Variants in MARK3 observed in about 807,000 individuals in gnomAD.
The protein encoded by MARK3 is MAP/microtubule affinity-regulating kinase 3.
A neutral mutation model predicts 90.1 loss-of-function variants in MARK3; 46 were observed. The observed-to-expected ratio is 0.51, with a 90% CI of 0.40 to 0.65. The LOEUF is 0.65. MARK3 is among the 30% of genes least tolerant of loss of function. The pLI is 0.00. For synonymous variants in MARK3, 321 were observed against 332.6 expected (o/e 0.97, Z 0.38); for missense variants, 818 against 947.2 (o/e 0.86, Z 1.79).
At chr14:103,390,454 G>C (rs566091675) in intron 1 of MARK3, among the ~76,000 whole-genome samples, 79 of 58,858 alleles carry the variant, frequency 1.3e-3, no homozygotes, top group African/African-American at 5.0e-3. Flanking sequence ...TGTACATAGA[G>C]TATTTCTAAA....
At position 103,401,494 on chromosome 14, in the gene MARK3, C is replaced by A. The variant is rs961754384; in HGVS notation, c.52-3582C>A. 3.9e-5 allele frequency among the ~76,000 whole-genome samples: 6 copies of A among 152,238 alleles called. No individual in the cohort carries two copies. In the South Asian group the frequency reaches 1.2e-3, roughly 32 times the overall value. On this transcript the variant is annotated intron_variant, in intron 1 of 17. Coordinates refer to ENST00000429436, the MANE Select transcript of MARK3 (RefSeq NM_001128918.3). ...AGTCTGCTTGAGGGCTCATTGGCTC[C>A]GTGGAAACTGATCTCCATGTCCAGG...
intron 16 of MARK3, 174 bp from the exon 17 acceptor site, chr14:103,499,982 C>G: frequency 1.6e-6 from 1 of 634,390 alleles, no homozygotes; most frequent in Non-Finnish European, 2.9e-6. Flanking sequence ...AAGAAGGTAG[C>G]GCTGGCTCAG....
intron 12 of MARK3, among the ~76,000 whole-genome samples, 166 bp from the exon 13 acceptor site, chr14:103,474,827 A>G (rs1168729111): frequency 6.6e-6 from 1 of 152,224 alleles, no homozygotes; most frequent in East Asian, 1.9e-4. Context: ...AATTCATTGC[A>G]TAAGGCAAAC....
intron 1 of MARK3, among the ~76,000 whole-genome samples, chr14:103,398,083 A>T (rs1447814044): frequency 6.6e-6 from 1 of 152,212 alleles, no homozygotes; most frequent in Non-Finnish European, 1.5e-5. Flanking sequence ...AGTGAGATGT[A>T]TGCATCTACC....
chr14:103,412,480 C>A, intron 2 of MARK3: 1 of 515,072 alleles, frequency 1.9e-6, no homozygotes. Flanking sequence ...TGACCAGATT[C>A]TTATTCTTGA....
At position 103,431,459 on chromosome 14, in the gene MARK3, C is replaced by A. The variant is rs539194574; in HGVS notation, c.297+3019C>A. ...CAGCCTGGTCAACATGGTGAAACCG[C>A]GTCTCTACTAAAAATACAAAAATTA... On this transcript the variant is annotated intron_variant, in intron 3 of 17. Coordinates refer to ENST00000429436, the MANE Select transcript of MARK3 (RefSeq NM_001128918.3). 3.2e-3 allele frequency among the ~76,000 whole-genome samples: 488 copies of A among 152,096 alleles called. 3 individuals are homozygous for A. The highest frequency in any genetic ancestry group is 0.011 in the African/African-American group (465 of 41,504).
At chr14:103,419,216 G>A (rs1488959705) in intron 2 of MARK3, among the ~76,000 whole-genome samples, 7 of 152,106 alleles carry the variant, frequency 4.6e-5, no homozygotes, top group East Asian at 3.8e-4. Flanking sequence ...GCGTGAACCC[G>A]GGAGGTGGAG....
chr14:103,422,007 T>C (rs921052535), intron 2 of MARK3, among the ~76,000 whole-genome samples: 5 of 152,248 alleles, frequency 3.3e-5, no homozygotes, highest in African/African-American at 1.2e-4. Flanking sequence ...ATGGCCACTT[T>C]TAATCTTTTA....
Position 103,462,413 on chromosome 14 carries a change from T to C in MARK3, c.492T>C (p.Ser164=). 6.2e-7 allele frequency: 1 copy of C among 1,602,356 alleles called. No homozygotes were observed. Among genetic ancestry groups the C allele is most frequent in the African/African-American group, 1.3e-5 (1 of 74,890 alleles). ...GCGTCTCTCCTATTCAGATTGTGTC[T>C]GCAGTTCAATACTGCCATCAGAAAC... is the stretch of plus-strand genomic sequence containing the variant. ...EARSKFRQIV[S]AVQYCHQKRI... is the part of the protein sequence containing the mutation. Residue 164 remains serine, a synonymous_variant, in exon 7 of 18, where the codon TCT becomes TCC. Coordinates refer to ENST00000429436, the MANE Select transcript of MARK3 (RefSeq NM_001128918.3).
rs1338468578 is a variant in MARK3 at position 103,385,901 on chromosome 14, G to C, written c.-129G>C. On this transcript the variant is annotated 5_prime_UTR_variant, in exon 1 of 18. Transcript: ENST00000429436. ...CCCGGGATCTAGACGGCCGTAGGGG[G>C]AAGGGAGCCGCCCTCCCCACGGCGC... 3 of 731,492 alleles carry C rather than the reference G, an allele frequency of 4.1e-6. No homozygotes were observed. The African/African-American group carries it at 5.2e-5, about 13-fold the overall frequency. 45.3% of individuals were successfully genotyped at this position (731,492 alleles called of 1,614,324 possible). A position where few individuals can be genotyped will look rare whatever the true frequency, so the allele number is the denominator to read the frequency against.
chr14:103,489,091 G>A (rs1321454837), intron 14 of MARK3, among the ~76,000 whole-genome samples: 1 of 152,220 alleles, frequency 6.6e-6, no homozygotes, highest in East Asian at 1.9e-4. Context: ...ATACAATGTG[G>A]CATGCATGAG....
intron 2 of MARK3, among the ~76,000 whole-genome samples, chr14:103,425,744 C>T (rs757892189): frequency 1.2e-4 from 18 of 152,184 alleles, no homozygotes; most frequent in Non-Finnish European, 2.4e-4. Flanking sequence ...AGAATTCCAA[C>T]TTTGCGTTTT....
chr14:103,497,510 TCTC>T (rs1169901277), intron 15 of MARK3, among the ~76,000 whole-genome samples: 1 of 152,202 alleles, frequency 6.6e-6, no homozygotes, highest in Non-Finnish European at 1.5e-5. Context: ...AACCTGCACA[TCTC>T]CTTAAATTTT....
chr14:103,400,858 T>G (rs1315807554), intron 1 of MARK3, among the ~76,000 whole-genome samples: 1 of 135,282 alleles, frequency 7.4e-6, no homozygotes, highest in Non-Finnish European at 1.5e-5. Flanking sequence ...TCGATCACAC[T>G]ACTGTACTCC....
At chr14:103,502,495 T>A (rs2075726564) in intron 17 of MARK3, among the ~76,000 whole-genome samples, 1 of 151,966 alleles carries the variant, frequency 6.6e-6, no homozygotes, top group Admixed American at 6.6e-5. Flanking sequence ...CAGCCCAGGG[T>A]GGATGGGTGG....
intron 3 of MARK3, among the ~76,000 whole-genome samples, chr14:103,446,687 G>A (rs2093003322): frequency 6.7e-6 from 1 of 148,418 alleles, no homozygotes; most frequent in Non-Finnish European, 1.5e-5. Flanking sequence ...TATTGATATG[G>A]CATCCAAAGT....
intron 14 of MARK3, among the ~76,000 whole-genome samples, chr14:103,482,312 G>A (rs890162062): frequency 1.3e-5 from 2 of 151,638 alleles, no homozygotes; most frequent in African/African-American, 4.8e-5. Flanking sequence ...CTTGAGGTCA[G>A]GAGTTCGTGA....
intron 14 of MARK3, among the ~76,000 whole-genome samples, chr14:103,481,526 A>G (rs1445217010): frequency 1.3e-5 from 2 of 152,082 alleles, no homozygotes; most frequent in Non-Finnish European, 2.9e-5. Flanking sequence ...TCCCTGTTCC[A>G]TAGGCCACTT....
chr14:103,386,740 A>G (rs1461573717), intron 1 of MARK3, among the ~76,000 whole-genome samples: 1 of 152,186 alleles, frequency 6.6e-6, no homozygotes, highest in East Asian at 1.9e-4. Context: ...TCTGCCACTC[A>G]CTGCCTAGCT....
Sources: allele counts gnomAD v4.1 joint callset (sites outside exome capture counted in the v4.1 genomes callset), GRCh38; gene constraint gnomAD v4.1.1; transcripts MANE v1.5; gene names NCBI Gene and HGNC (gene_info 2026-07-23, HGNC 2026-07-21).